Variants in NSUN3 observed in about 807,000 individuals in gnomAD.
The protein encoded by NSUN3 is tRNA (cytosine(34)-C(5))-methyltransferase, mitochondrial.
A neutral mutation model predicts 36.8 loss-of-function variants in NSUN3; 24 were observed. That is an observed-to-expected ratio of 0.65 (90% CI 0.47 to 0.92). NSUN3 has a LOEUF of 0.92. Among genes scored for constraint, NSUN3 ranks in the 40% least tolerant of loss-of-function variants. The pLI is 0.00. For synonymous variants in NSUN3, 146 were observed against 145.2 expected, an observed-to-expected ratio of 1.01 and a Z score of -0.04; for missense variants, 381 against 392.8, an observed-to-expected ratio of 0.97 and a Z score of 0.25.
chr3:94,081,812 G>A (rs1221120055), intron 2 of NSUN3: 1 of 152,178 alleles, frequency 6.6e-6, no homozygotes, highest in Non-Finnish European at 1.5e-5. Context: ...CAATAAAGAT[G>A]TGAAATATCT....
chr3:94,106,259 T>G (rs2107263958), intron 5 of NSUN3, among the ~76,000 whole-genome samples: 1 of 152,322 alleles, frequency 6.6e-6, no homozygotes, highest in East Asian at 1.9e-4. Flanking sequence ...AAATATTGCT[T>G]CTTCAAGGTA....
intron 5 of NSUN3, among the ~76,000 whole-genome samples, chr3:94,098,427 C>G (rs2077352211): frequency 6.6e-6 from 1 of 152,174 alleles, no homozygotes; most frequent in Non-Finnish European, 1.5e-5. Flanking sequence ...GTCAATTATC[C>G]TTCTGGAAAT....
intron 2 of NSUN3, among the ~76,000 whole-genome samples, chr3:94,083,199 A>T (rs182675573): frequency 6.6e-6 from 1 of 152,014 alleles, no homozygotes; most frequent in Non-Finnish European, 1.5e-5. Context: ...TTAAGCCTCA[A>T]AAACCTCAGT....
At chr3:94,075,268 A>C (rs572041103) in intron 2 of NSUN3, among the ~76,000 whole-genome samples, 2 of 152,074 alleles carry the variant, frequency 1.3e-5, no homozygotes, top group Admixed American at 1.3e-4. Context: ...ACAAACAAAA[A>C]AAAGCCACAC....
At chr3:94,074,927 T>C (rs2077240280) in intron 2 of NSUN3, among the ~76,000 whole-genome samples, 1 of 152,162 alleles carries the variant, frequency 6.6e-6, no homozygotes, top group African/African-American at 2.4e-5. Context: ...TTCAGTATGC[T>C]ATTGGCTGTG....
At chr3:94,118,516 A>G (rs1331551472) in intron 5 of NSUN3, among the ~76,000 whole-genome samples, 1 of 152,104 alleles carries the variant, frequency 6.6e-6, no homozygotes, top group Admixed American at 6.5e-5. Context: ...AATTTCATGC[A>G]TTATAGTTAG....
At chr3:94,083,726 T>C (rs185589042) in intron 2 of NSUN3, among the ~76,000 whole-genome samples, 1 of 152,278 alleles carries the variant, frequency 6.6e-6, no homozygotes, top group African/African-American at 2.4e-5. Context: ...CTTTTGTTAC[T>C]TAGGCATGAT....
intron 2 of NSUN3, chr3:94,076,185 C>A (rs1251932225): frequency 1.4e-5 from 14 of 976,036 alleles, no homozygotes; most frequent in African/African-American, 9.6e-5. Flanking sequence ...CCACTGGAAG[C>A]CAAAATAGTC....
intron 5 of NSUN3, among the ~76,000 whole-genome samples, chr3:94,101,970 A>T (rs2077367672): frequency 1.3e-5 from 2 of 152,148 alleles, no homozygotes; most frequent in Non-Finnish European, 2.9e-5. Context: ...AACTTATTGC[A>T]GTAATGTATC....
At chr3:94,079,309 A>G (rs2077259126) in intron 2 of NSUN3, among the ~76,000 whole-genome samples, 1 of 152,170 alleles carries the variant, frequency 6.6e-6, no homozygotes. Context: ...TGTTAGTCTG[A>G]TGCGCTTCCC....
intron 2 of NSUN3, chr3:94,076,519 C>T: frequency 1.3e-6 from 1 of 791,134 alleles, no homozygotes; most frequent in Non-Finnish European, 2.3e-6. Flanking sequence ...TAAAGATGGT[C>T]TTTGCATCCA....
chr3:94,123,453 A>T (rs1008206867), intron 5 of NSUN3, among the ~76,000 whole-genome samples: 3 of 152,142 alleles, frequency 2.0e-5, no homozygotes, highest in Non-Finnish European at 4.4e-5. Context: ...GTATTTCTCC[A>T]CTGATACCAG....
At chr3:94,095,236 G>A in intron 5 of NSUN3, 82 bp downstream of exon 5, 1 of 1,369,912 alleles carries the variant, frequency 7.3e-7, no homozygotes, top group South Asian at 1.2e-5. Context: ...GGCCCCCAGT[G>A]GAGGGCTTGC....
intron 2 of NSUN3, among the ~76,000 whole-genome samples, chr3:94,067,345 G>A (rs1191951005): frequency 1.3e-5 from 2 of 152,166 alleles, no homozygotes; most frequent in African/African-American, 4.8e-5. Context: ...TTTTTAATCT[G>A]TATGCTTTCA....
chr3:94,124,113 A>T (rs1292861069), intron 5 of NSUN3, among the ~76,000 whole-genome samples: 1 of 151,406 alleles, frequency 6.6e-6, no homozygotes, highest in Non-Finnish European at 1.5e-5. Context: ...TGGCTTAAAC[A>T]ATAGAAGTTT....
At chr3:94,063,401 C>T in intron 1 of NSUN3, 1 of 499,842 alleles carries the variant, frequency 2.0e-6, no homozygotes, top group Non-Finnish European at 3.6e-6. Flanking sequence ...TGTGTCACAG[C>T]GGTATCCCGG....
chr3:94,116,985 CTTTTTTTTTTT>C (rs60234250), intron 5 of NSUN3, among the ~76,000 whole-genome samples: 2 of 63,958 alleles, frequency 3.1e-5, no homozygotes, highest in African/African-American at 6.5e-5. Context: ...TCTGCCACAA[CTTTTTTTTTTT>C]TTTTTTTTTT....
chr3:94,093,356 TATGTATTTGAGCA>T (rs2077324316), intron 3 of NSUN3, among the ~76,000 whole-genome samples: 1 of 151,040 alleles, frequency 6.6e-6, no homozygotes, highest in African/African-American at 2.4e-5. Context: ...TGTATGTATG[TATGTATTTGAGCA>T]AAGGCTTTAC....
chr3:94,121,039 G>A (rs1473048030), intron 5 of NSUN3, among the ~76,000 whole-genome samples: 1 of 152,192 alleles, frequency 6.6e-6, no homozygotes, highest in African/African-American at 2.4e-5. Context: ...GCCATCATTA[G>A]ATGTGTATTA....
Sources: gnomAD v4.1 joint callset for allele counts (sites outside exome capture counted in the v4.1 genomes callset) on GRCh38, gnomAD v4.1.1 for gene constraint, MANE v1.5 for transcripts, NCBI Gene and HGNC (gene_info 2026-07-23, HGNC 2026-07-21) for gene names.